Variants in CHRM3 observed in about 807,000 individuals in gnomAD.
CHRM3 encodes cholinergic receptor muscarinic 3, also known as muscarinic acetylcholine receptor M3.
A neutral mutation model predicts 41.8 loss-of-function variants in CHRM3; 11 were observed. The ratio of observed to expected loss-of-function variants is 0.26; its 90% CI spans 0.17 to 0.44. CHRM3 has a LOEUF of 0.44. CHRM3 is among the 20% of genes least tolerant of loss of function. The pLI, the probability that CHRM3 is intolerant of heterozygous loss-of-function variation, is 1.00. For missense variants in CHRM3, 571 were observed against 745.4 expected, an observed-to-expected ratio of 0.77 and a Z score of 2.72; for synonymous variants, 297 against 301.4, an observed-to-expected ratio of 0.99 and a Z score of 0.15.
At chr1:239,828,993 C>T (rs115844040) in intron 6 of CHRM3, among the ~76,000 whole-genome samples, 1,927 of 152,300 alleles carry the variant, frequency 0.013, 23 homozygotes, top group Non-Finnish European at 0.018. Flanking sequence ...AGGGCTAGAT[C>T]TGTGACTATA....
intron 3 of CHRM3, among the ~76,000 whole-genome samples, chr1:239,604,432 T>G (rs1301782800): frequency 6.6e-6 from 1 of 152,228 alleles, no homozygotes; most frequent in African/African-American, 2.4e-5. Flanking sequence ...GAGCACATTC[T>G]CACCTCTTTT....
At chr1:239,662,482 TC>T (rs1673301488) in intron 4 of CHRM3, among the ~76,000 whole-genome samples, 1 of 152,200 alleles carries the variant, frequency 6.6e-6, no homozygotes, top group Non-Finnish European at 1.5e-5. Context: ...AGCACCCTAT[TC>T]AAATTTTGAT....
intron 5 of CHRM3, among the ~76,000 whole-genome samples, chr1:239,823,156 A>G (rs931500532): frequency 1.1e-4 from 17 of 152,244 alleles, no homozygotes; most frequent in African/African-American, 3.1e-4. Flanking sequence ...AGCATTTTAT[A>G]CATTTTAAAT....
At chr1:239,441,126 A>C (rs1458035775) in intron 1 of CHRM3, among the ~76,000 whole-genome samples, 1 of 152,142 alleles carries the variant, frequency 6.6e-6, no homozygotes, top group African/African-American at 2.4e-5. Flanking sequence ...AAATTCTAAA[A>C]CTATTGGCTA....
intron 1 of CHRM3, among the ~76,000 whole-genome samples, chr1:239,432,484 A>C (rs933559934): frequency 1.3e-5 from 2 of 152,156 alleles, no homozygotes; most frequent in African/African-American, 2.4e-5. Context: ...TTACGTGAAG[A>C]GTGAATGGGG....
At chr1:239,819,761 A>G (rs536888607) in intron 5 of CHRM3, among the ~76,000 whole-genome samples, 2 of 152,272 alleles carry the variant, frequency 1.3e-5, no homozygotes, top group Non-Finnish European at 2.9e-5. Context: ...TGAATGTGTT[A>G]TTTGTAGTGA....
chr1:239,447,474 T>G (rs1664235621), intron 1 of CHRM3, among the ~76,000 whole-genome samples: 2 of 152,172 alleles, frequency 1.3e-5, no homozygotes, highest in African/African-American at 2.4e-5. Context: ...TCAAAAGCAC[T>G]TGGGTACCAA....
At chr1:239,427,380 G>C (rs529971599) in intron 1 of CHRM3, among the ~76,000 whole-genome samples, 1 of 152,230 alleles carries the variant, frequency 6.6e-6, no homozygotes, top group East Asian at 1.9e-4. Context: ...CATTTACAAC[G>C]TAGAGATGCA....
intron 4 of CHRM3, among the ~76,000 whole-genome samples, chr1:239,636,157 G>A (rs181115491): frequency 2.4e-4 from 37 of 152,084 alleles, no homozygotes; most frequent in Non-Finnish European, 3.2e-4. Flanking sequence ...TAAACCTGGC[G>A]CATGCACAAT....
chr1:239,820,994 T>A (rs4463655), intron 5 of CHRM3, among the ~76,000 whole-genome samples: 1 of 151,978 alleles, frequency 6.6e-6, no homozygotes, highest in Non-Finnish European at 1.5e-5. Flanking sequence ...ATCTTTCTCT[T>A]ACACTGACAA....
chr1:239,417,645 T>G (rs369770993), intron 1 of CHRM3, among the ~76,000 whole-genome samples: 71 of 150,710 alleles, frequency 4.7e-4, no homozygotes, highest in African/African-American at 1.6e-3. Context: ...ATTTAGAGTA[T>G]GATTAGGTGT....
At chr1:239,696,786 C>T (rs999527713) in intron 5 of CHRM3, among the ~76,000 whole-genome samples, 2 of 152,100 alleles carry the variant, frequency 1.3e-5, no homozygotes, top group African/African-American at 2.4e-5. Context: ...GAATAATACA[C>T]GTTTGCTATA....
intron 6 of CHRM3, among the ~76,000 whole-genome samples, chr1:239,855,785 G>A (rs556622680): frequency 8.5e-5 from 13 of 152,228 alleles, no homozygotes; most frequent in African/African-American, 3.1e-4. Context: ...ACCTTTTAGA[G>A]TCAATAATTT....
intron 5 of CHRM3, among the ~76,000 whole-genome samples, chr1:239,734,827 G>T (rs1360089776): frequency 1.3e-5 from 2 of 152,064 alleles, no homozygotes; most frequent in African/African-American, 4.8e-5. Context: ...GAGAGAAGTA[G>T]GTGGGAACTT....
chr1:239,578,331 C>T (rs1662564357), intron 3 of CHRM3, among the ~76,000 whole-genome samples: 1 of 152,092 alleles, frequency 6.6e-6, no homozygotes, highest in Admixed American at 6.6e-5. Context: ...TTACATTCAC[C>T]ACACTATTTA....
chr1:239,799,656 T>C (rs1670056493), intron 5 of CHRM3, among the ~76,000 whole-genome samples: 4 of 152,188 alleles, frequency 2.6e-5, no homozygotes, highest in African/African-American at 4.8e-5. Flanking sequence ...ACTGACTTTA[T>C]TGCTTTTTGT....
chr1:239,507,952 G>T (rs1269983631), intron 2 of CHRM3, among the ~76,000 whole-genome samples: 1 of 152,182 alleles, frequency 6.6e-6, no homozygotes, highest in East Asian at 1.9e-4. Context: ...GTATAGGACT[G>T]ATTAGAATAC....
chr1:239,829,652 G>T (rs1472519261), intron 6 of CHRM3, among the ~76,000 whole-genome samples: 2 of 152,120 alleles, frequency 1.3e-5, no homozygotes, highest in East Asian at 3.9e-4. Flanking sequence ...GTTGGGGAAG[G>T]CTAGGACAGA....
At chr1:239,588,545 A>G (rs1663679852) in intron 3 of CHRM3, among the ~76,000 whole-genome samples, 1 of 152,186 alleles carries the variant, frequency 6.6e-6, no homozygotes, top group South Asian at 2.1e-4. Flanking sequence ...TCAGTACACA[A>G]TCATCTTCCT....
Sources: allele counts gnomAD v4.1 joint callset (sites outside exome capture counted in the v4.1 genomes callset), GRCh38; gene constraint gnomAD v4.1.1; transcripts MANE v1.5; gene names NCBI Gene and HGNC (gene_info 2026-07-23, HGNC 2026-07-21).